SAMMSON: variants seen among roughly 807,000 people sequenced by gnomAD.
The protein encoded by SAMMSON is long intergenic non-protein coding RNA 1212.
chr3:70,265,389 A>G (rs1404776487), intron 6 of SAMMSON, among the ~76,000 whole-genome samples: 1 of 152,152 alleles, frequency 6.6e-6, no homozygotes, highest in Non-Finnish European at 1.5e-5. Flanking sequence ...AGCAAAGGTA[A>G]AGGAAGATGG....
At chr3:70,238,283 T>TA (rs767411319) in intron 4 of SAMMSON, among the ~76,000 whole-genome samples, 17 of 151,914 alleles carry the variant, frequency 1.1e-4, no homozygotes, top group Non-Finnish European at 1.9e-4. Flanking sequence ...GGGCTTTGGG[T>TA]AGACAGAGCC....
At chr3:70,015,535 C>T (rs1170891381) in intron 3 of SAMMSON, among the ~76,000 whole-genome samples, 1 of 151,914 alleles carries the variant, frequency 6.6e-6, no homozygotes, top group East Asian at 1.9e-4. Context: ...GTTGACATTT[C>T]CTGTCATCAG....
At chr3:70,131,832 C>T (rs2067484167) in intron 4 of SAMMSON, among the ~76,000 whole-genome samples, 1 of 152,148 alleles carries the variant, frequency 6.6e-6, no homozygotes. Flanking sequence ...CCCACCTCAG[C>T]CTCCCAAAGT....
chr3:70,153,598 T>C (rs2067580100), intron 4 of SAMMSON, among the ~76,000 whole-genome samples: 1 of 151,996 alleles, frequency 6.6e-6, no homozygotes, highest in Non-Finnish European at 1.5e-5. Flanking sequence ...CCGAAAGTAA[T>C]CTTGTAATCA....
chr3:70,150,188 A>C (rs1435965013), intron 4 of SAMMSON, among the ~76,000 whole-genome samples: 1 of 152,086 alleles, frequency 6.6e-6, no homozygotes, highest in Non-Finnish European at 1.5e-5. Context: ...TGAAACTTGA[A>C]TGTGACATGT....
intron 3 of SAMMSON, among the ~76,000 whole-genome samples, chr3:70,038,422 C>G (rs950851063): frequency 1.3e-5 from 2 of 152,080 alleles, no homozygotes; most frequent in African/African-American, 4.8e-5. Flanking sequence ...ATCTGAAGCC[C>G]TCACCAGATG....
chr3:70,108,501 CTATTA>C (rs921090614), intron 4 of SAMMSON, among the ~76,000 whole-genome samples: 14 of 142,842 alleles, frequency 9.8e-5, no homozygotes, highest in African/African-American at 3.4e-4. Flanking sequence ...TACTTCTCAC[CTATTA>C]TATTTTAAAG....
At chr3:70,214,554 C>T (rs1363670607) in intron 4 of SAMMSON, among the ~76,000 whole-genome samples, 1 of 150,472 alleles carries the variant, frequency 6.6e-6, no homozygotes, top group Non-Finnish European at 1.5e-5. Context: ...GCCCCCTCCC[C>T]AAGCTTCCCC....
At chr3:70,293,723 A>T (rs755301156) in intron 7 of SAMMSON, among the ~76,000 whole-genome samples, 32 of 152,074 alleles carry the variant, frequency 2.1e-4, no homozygotes, top group Non-Finnish European at 3.8e-4. Flanking sequence ...GGATTTTTTT[A>T]AATTACATTA....
intron 6 of SAMMSON, among the ~76,000 whole-genome samples, chr3:70,252,336 C>G (rs892061522): frequency 6.6e-6 from 1 of 152,128 alleles, no homozygotes; most frequent in Non-Finnish European, 1.5e-5. Flanking sequence ...CTCCCATAAG[C>G]CTTTCATAGG....
At chr3:70,283,171 C>T (rs1702106031) in intron 6 of SAMMSON, among the ~76,000 whole-genome samples, 1 of 152,096 alleles carries the variant, frequency 6.6e-6, no homozygotes, top group African/African-American at 2.4e-5. Flanking sequence ...TGAGCATAAG[C>T]AGTCCTGTGG....
At chr3:70,400,966 C>A (rs1701135315) in intron 2 of SAMMSON, among the ~76,000 whole-genome samples, 1 of 151,852 alleles carries the variant, frequency 6.6e-6, no homozygotes, top group Admixed American at 6.6e-5. Flanking sequence ...AGAAAGAATA[C>A]AAAAGTAGAG....
chr3:70,207,532 G>A (rs1183028551), intron 4 of SAMMSON, among the ~76,000 whole-genome samples: 1 of 151,956 alleles, frequency 6.6e-6, no homozygotes, highest in Non-Finnish European at 1.5e-5. Flanking sequence ...AGCGTTGTAT[G>A]TATTTTACAT....
intron 6 of SAMMSON, among the ~76,000 whole-genome samples, chr3:70,289,968 C>A (rs377598658): frequency 1.3e-5 from 2 of 151,702 alleles, no homozygotes; most frequent in Admixed American, 6.6e-5. Flanking sequence ...CTTCTAAATT[C>A]TTTTCAAAGT....
intron 6 of SAMMSON, among the ~76,000 whole-genome samples, chr3:70,267,969 GCCTCCCCTTTCGCCTCCCCTTTCA>G (rs1701936162): frequency 8.1e-6 from 1 of 122,866 alleles, no homozygotes; most frequent in Admixed American, 9.1e-5. Flanking sequence ...CTTTCCTTTC[GCCTCCCCTTTCGCCTCCCCTTTCA>G]CCTCCCCTTT....
intron 3 of SAMMSON, among the ~76,000 whole-genome samples, chr3:70,024,316 A>G (rs540257584): frequency 1.3e-5 from 2 of 152,278 alleles, no homozygotes; most frequent in South Asian, 4.2e-4. Context: ...CTCTGTTTTT[A>G]CAAATCCACT....
intron 4 of SAMMSON, among the ~76,000 whole-genome samples, chr3:70,088,497 G>C (rs773647389): frequency 3.9e-5 from 6 of 152,054 alleles, no homozygotes; most frequent in Non-Finnish European, 7.4e-5. Flanking sequence ...AAGTAACTAG[G>C]GATAAAAGGC....
intron 4 of SAMMSON, chr3:70,075,031 C>T (rs1482943514): frequency 6.6e-6 from 1 of 151,922 alleles, no homozygotes; most frequent in Non-Finnish European, 1.5e-5. Flanking sequence ...ATCTTTTCAC[C>T]CCTCCACACC....
chr3:70,371,864 T>C (rs1190372463), intron 9 of SAMMSON, among the ~76,000 whole-genome samples: 1 of 152,204 alleles, frequency 6.6e-6, no homozygotes, highest in Non-Finnish European at 1.5e-5. Flanking sequence ...GGACTTCCAG[T>C]ACTAGGTTAA....
Sources: gnomAD v4.1 joint callset for allele counts (sites outside exome capture counted in the v4.1 genomes callset) on GRCh38, gnomAD v4.1.1 for gene constraint, MANE v1.5 for transcripts, NCBI Gene and HGNC (gene_info 2026-07-23, HGNC 2026-07-21) for gene names.